NYAP2: variants seen among roughly 807,000 people sequenced by gnomAD.
NYAP2 encodes the protein neuronal tyrosine-phosphorylated phosphoinositide-3-kinase adapter 2.
In NYAP2, 23 loss-of-function variants were observed where a neutral mutation model predicts 50.4. The ratio of observed to expected loss-of-function variants is 0.46; its 90% confidence interval spans 0.33 to 0.65. NYAP2 has a LOEUF of 0.65. NYAP2 is among the 30% of genes least tolerant of loss of function. The probability of loss-of-function intolerance (pLI) is 0.02; values close to 1 mark genes in which losing one functional copy is unlikely to be tolerated. For missense variants in NYAP2, 885 were observed against 861.0 expected (o/e 1.03, Z -0.35); for synonymous variants, 394 against 365.2 (o/e 1.08, Z -0.90).
intron 5 of NYAP2, among the ~76,000 whole-genome samples, chr2:225,586,168 G>A (rs1309425612): frequency 6.6e-6 from 1 of 152,072 alleles, no homozygotes; most frequent in Non-Finnish European, 1.5e-5. Flanking sequence ...CAAATAAAAT[G>A]TATACCTTAA....
At chr2:225,665,118 T>A in the NYAP2 span, among the ~76,000 whole-genome samples, 52 of 152,320 alleles carry the variant, frequency 3.4e-4, no homozygotes, top group East Asian at 3.5e-3. Flanking sequence ...CTTACATAAT[T>A]TCTCCATACA....
At position 225,582,730 on chromosome 2, in the gene NYAP2, C is replaced by G. The variant is rs750626822; in HGVS notation, c.1313C>G (p.Ser438Cys). The G allele has an allele frequency of 1.2e-6, 2 of 1,612,182 alleles. No individual in the cohort carries two copies. The highest frequency in any genetic ancestry group is 3.3e-5 in the Admixed American group (2 of 59,964). ...CCTAAAAGTCACTCCACCTCTCCCT[C>G]CCCCGTCAGCATGGGGAGGTCCCTG... Residue 438 changes from serine to cysteine, a missense_variant, in exon 5 of 7, where the codon TCC (serine) becomes TGC (cysteine). Transcript: ENST00000636099. The surrounding 1 kb of genome is among the most constrained non-coding windows in gnomAD (Gnocchi z 7.0).
intron 3 of NYAP2, among the ~76,000 whole-genome samples, chr2:225,512,852 T>TCTTCCTTCCTTCCTTC (rs762260450): frequency 2.4e-4 from 30 of 123,672 alleles, no homozygotes; most frequent in South Asian, 1.1e-3. Flanking sequence ...TTTCTTTCTT[T>TCTTCCTTCCTTCCTTC]CTTCCTTCCT....
Position 225,582,839 on chromosome 2 carries a change from C to T in NYAP2, c.1422C>T (p.His474=). 1 of 1,613,914 alleles carries T rather than the reference C, an allele frequency of 6.2e-7. No homozygotes were observed. Among genetic ancestry groups the T allele is most frequent in the East Asian group, 2.2e-5 (1 of 44,882 alleles). ...CAAGGAGCTCTCCTTCAGTGCCTCA[C>T]TCGACCCCCAGACCCGTGTCGCAAG... The change falls in exon 5 of 7, where the codon CAC becomes CAT. Residue 474 remains histidine, a synonymous_variant. Coordinates refer to ENST00000636099, the Ensembl canonical transcript of NYAP2. This position sits in a 1 kb window ranked among gnomAD's most constrained non-coding sequence, Gnocchi z 7.0.
rs1357081116 is a variant in NYAP2, at chr2:225,582,928, C to G, written c.1511C>G (p.Ser504Cys). ...GGGGCAGCCCCGGGTGGCTCCCGGT[C>G]CCGGACACCCACGAGCCCGCTGGAG... The change falls in exon 5 of 7, where the codon TCC (serine) becomes TGC (cysteine). Residue 504 changes from serine to cysteine, a missense_variant. Ser to Cys is a moderately radical substitution (Grantham distance 112, BLOSUM62 -1). Transcript: ENST00000636099. The surrounding 1 kb of genome is among the most constrained non-coding windows in gnomAD (Gnocchi z 7.0). 1 of 1,612,908 alleles carries G rather than the reference C, an allele frequency of 6.2e-7. No homozygotes were observed. The highest frequency in any genetic ancestry group is 1.7e-5 in the Admixed American group (1 of 60,012).
At chr2:225,484,020 G>C (rs1044076387) in intron 3 of NYAP2, among the ~76,000 whole-genome samples, 8 of 152,204 alleles carry the variant, frequency 5.3e-5, no homozygotes, top group South Asian at 2.1e-4. Context: ...TTGAGGATTT[G>C]AGGGTCTTGG....
chr2:225,667,557 A>G, the NYAP2 span, among the ~76,000 whole-genome samples: 28 of 152,284 alleles, frequency 1.8e-4, no homozygotes, highest in East Asian at 5.4e-3. Flanking sequence ...AAGCTGATTC[A>G]CGTAGAAAGT....
intron 6 of NYAP2, among the ~76,000 whole-genome samples, chr2:225,640,199 C>T (rs975347989): frequency 4.6e-5 from 7 of 152,142 alleles, no homozygotes; most frequent in Non-Finnish European, 7.4e-5. Context: ...CTTATAAATC[C>T]GAAGGAGAAC....
At chr2:225,431,665 A>C (rs545762856) in intron 3 of NYAP2, among the ~76,000 whole-genome samples, 1 of 152,132 alleles carries the variant, frequency 6.6e-6, no homozygotes, top group African/African-American at 2.4e-5. Flanking sequence ...CTCTTAAATG[A>C]GCTTGTTTGC....
chr2:225,546,603 C>A (rs1691589321), intron 4 of NYAP2, among the ~76,000 whole-genome samples: 1 of 152,082 alleles, frequency 6.6e-6, no homozygotes, highest in South Asian at 2.1e-4. Flanking sequence ...CCTTCTGGCC[C>A]AGGGTAAGTC....
chr2:225,582,002 G>T lies in NYAP2; in HGVS notation c.585G>T (p.Pro195=), dbSNP rs778313204. 5.0e-6 allele frequency: 8 copies of T among 1,613,396 alleles called. No homozygotes were observed. The African/African-American group carries it at 9.3e-5, about 19-fold the overall frequency. ...CCAAGAAGATTCCTCCTCCCAAACC[G>T]AAGCGAAATCCGAACACTCAGCTGA... Residue 195 remains proline (P), a synonymous_variant, in exon 5 of 7, where the codon CCG becomes CCT. Coordinates refer to ENST00000636099, the Ensembl canonical transcript of NYAP2. This position sits in a 1 kb window ranked among gnomAD's most constrained non-coding sequence, Gnocchi z 7.0.
In NYAP2 at chr2:225,582,915, G is replaced by A. The variant is rs776522331; in HGVS notation, c.1498G>A (p.Gly500Ser). ...GGTGAACACCTACGGGGCAGCCCCG[G>A]GTGGCTCCCGGTCCCGGACACCCAC... The change falls in exon 5 of 7, where the codon GGT becomes AGT. Residue 500 changes from glycine (G) to serine (S), a missense_variant. Gly to Ser is a moderately conservative substitution (Grantham distance 56). Coordinates refer to ENST00000636099, the Ensembl canonical transcript of NYAP2. The surrounding 1 kb of genome is among the most constrained non-coding windows in gnomAD (Gnocchi z 7.0). 2 of 1,613,080 alleles carry A rather than the reference G, an allele frequency of 1.2e-6. No individual in the cohort carries two copies. The highest frequency in any genetic ancestry group is 2.7e-5 in the African/African-American group (2 of 75,064).
In NYAP2 at chr2:225,430,685, C is replaced by G. The variant is rs371184488; in HGVS notation, c.221+21584C>G. Among the ~76,000 whole-genome samples, 24 of 151,316 alleles carry G rather than the reference C, an allele frequency of 1.6e-4. No individual in the cohort carries two copies. The East Asian group carries it at 4.3e-3, about 27-fold the overall frequency. On this transcript the variant is annotated intron_variant, in intron 3 of 6. Transcript: ENST00000636099. ...TTAATCAATACATCAGGGATTTGAACCCAAGAGGCAGTGCCCTAACTAGAA... is the reference window on the plus strand; with the variant it reads ...TTAATCAATACATCAGGGATTTGAAGCCAAGAGGCAGTGCCCTAACTAGAA...
intron 3 of NYAP2, among the ~76,000 whole-genome samples, chr2:225,483,823 A>G (rs1443425049): frequency 6.6e-6 from 1 of 152,216 alleles, no homozygotes; most frequent in African/African-American, 2.4e-5. Flanking sequence ...CGGAAAAATA[A>G]CTCTCTTGAA....
chr2:225,701,660 T>C, the NYAP2 span: 1 of 151,782 alleles, frequency 6.6e-6, no homozygotes, highest in Non-Finnish European at 1.5e-5. Context: ...TGGATTTATG[T>C]AAATGAAGGT....
At chr2:225,412,503 A>G (rs1559173247) in intron 3 of NYAP2, among the ~76,000 whole-genome samples, 1 of 151,850 alleles carries the variant, frequency 6.6e-6, no homozygotes, top group Non-Finnish European at 1.5e-5. Context: ...ATGTGGATGA[A>G]TATATAATGA....
intron 3 of NYAP2, among the ~76,000 whole-genome samples, chr2:225,501,098 T>C (rs184319630): frequency 6.6e-6 from 1 of 152,308 alleles, no homozygotes; most frequent in Admixed American, 6.5e-5. Flanking sequence ...CTGAAGAGTA[T>C]GGCATCTGCC....
intron 4 of NYAP2, among the ~76,000 whole-genome samples, chr2:225,575,619 A>T (rs986661805): frequency 1.3e-5 from 2 of 152,190 alleles, no homozygotes; most frequent in African/African-American, 4.8e-5. Flanking sequence ...GCTTCCTTAC[A>T]GCATGGTGAT....
intron 4 of NYAP2, among the ~76,000 whole-genome samples, chr2:225,580,342 A>G (rs944029116): frequency 6.6e-6 from 1 of 152,238 alleles, no homozygotes; most frequent in Non-Finnish European, 1.5e-5. Flanking sequence ...GTTAGGTGGT[A>G]CAATTATTGG....
Sources: allele counts gnomAD v4.1 joint callset (sites outside exome capture counted in the v4.1 genomes callset), GRCh38; gene constraint gnomAD v4.1.1; non-coding constraint Gnocchi (gnomAD v3.1); transcripts MANE v1.5; gene names NCBI Gene and HGNC (gene_info 2026-07-23, HGNC 2026-07-21).